SLC4A2: variants seen among roughly 807,000 people sequenced by gnomAD.
SLC4A2 encodes the protein solute carrier family 4 member 2.
Under a neutral mutation model 115.0 loss-of-function variants are expected in SLC4A2, and 36 were observed. The ratio of observed to expected loss-of-function variants is 0.31; its 90% CI spans 0.24 to 0.41. The LOEUF (loss-of-function observed/expected upper bound fraction) is 0.41, where lower values mean the gene tolerates loss of function less well. Among genes scored for constraint, SLC4A2 ranks in the 10% least tolerant of loss-of-function variants. SLC4A2 has a pLI of 1.00. For missense variants in SLC4A2, 1,252 were observed against 1,705.6 expected (o/e 0.73, Z 4.68); for synonymous variants, 708 against 708.3 (o/e 1.00, Z 0.01).
chr7:151,064,170 T>C (rs1172971129), intron 2 of SLC4A2, 32 bp from the exon 3 acceptor site: 2 of 1,605,562 alleles, frequency 1.2e-6, no homozygotes, highest in Admixed American at 1.7e-5. Context: ...CAGTGAGCCC[T>C]GTGTGTTTTC....
rs763738145 is a variant in SLC4A2, at chr7:151,070,146, A to G, written c.1284-35A>G. 24 of 1,613,776 alleles carry G rather than the reference A, an allele frequency of 1.5e-5. No homozygotes were observed. The South Asian group carries it at 2.6e-4, about 18-fold the overall frequency. The stretch of plus-strand genomic sequence containing the variant: ...CCACCTGCCCTGGCCCTTGTCATTG[A>G]CCCTCCTTTGCCTCACTGCCCTCTG... On this transcript the variant is annotated intron_variant, in intron 9 of 22. Coordinates refer to ENST00000413384, the MANE Select transcript of SLC4A2 (RefSeq NM_003040.4).
rs1796986213 is a variant in SLC4A2 at position 151,059,724 on chromosome 7, A to T, written c.-102A>T. 1 of 148,782 alleles carries T rather than the reference A, an allele frequency of 6.7e-6. No individual in the cohort carries two copies. Among genetic ancestry groups the T allele is most frequent in the African/African-American group, 2.5e-5 (1 of 39,952 alleles). The allele number at this position is 148,782 out of a possible 1,614,324, so 9.2% of individuals were successfully genotyped here. ...CGAGTGCGCCGGAGGACGGGGAGAG[A>T]CCCCGAGACCCCCGGGGCACGAAGT... On this transcript the variant is annotated 5_prime_UTR_variant, in exon 1 of 23. Transcript: ENST00000413384. This position sits in a 1 kb window ranked among gnomAD's most constrained non-coding sequence, Gnocchi z 5.8.
intron 2 of SLC4A2, chr7:151,063,051 G>T: frequency 6.7e-7 from 1 of 1,494,484 alleles, no homozygotes; most frequent in East Asian, 2.6e-5. Flanking sequence ...CTGGAGCTGA[G>T]ACCGTGGGTG....
At chr7:151,062,591 G>T in intron 2 of SLC4A2, 1 of 1,485,988 alleles carries the variant, frequency 6.7e-7, no homozygotes, top group Non-Finnish European at 8.9e-7. Context: ...CTGGGAAGGG[G>T]CACAGGCTGG....
rs891255042 is a variant in SLC4A2 at position 151,068,049 on chromosome 7, C to T, written c.1142C>T (p.Ala381Val). ...RSLLELRRTL[A>V]HGAVLLDLDQ... ...CTCCTGGAGCTCCGCAGGACCCTGG[C>T]CCATGGTAACCCCGCTCCCCTCCAC... The change falls in exon 8 of 23, where the codon GCC becomes GTC. Residue 381 changes from alanine to valine, a missense_variant. Physicochemically the swap from Ala to Val is moderately conservative, Grantham distance 64. Transcript: ENST00000413384. 6.7e-7 allele frequency: 1 copy of T among 1,496,574 alleles called. No homozygotes were observed. Among genetic ancestry groups the T allele is most frequent in the African/African-American group, 1.4e-5 (1 of 69,746 alleles). The allele number at this position is 1,496,574 out of a possible 1,614,324, so 92.7% of individuals were successfully genotyped here. A position where few individuals can be genotyped will look rare whatever the true frequency, so the allele number is the denominator to read the frequency against.
At position 151,071,624 on chromosome 7, in the gene SLC4A2, T is replaced by C. The variant is rs770526321; in HGVS notation, c.2191+19T>C. ...CTGCTGGGTGAGGAGAGCCTTCAGGTAGGGGGCGGCGGGGACTGCCCAGGG... is the reference window on the plus strand; with the variant it reads ...CTGCTGGGTGAGGAGAGCCTTCAGGCAGGGGGCGGCGGGGACTGCCCAGGG... On this transcript the variant is annotated intron_variant, in intron 14 of 22. Transcript: ENST00000413384. This position sits in a 1 kb window ranked among gnomAD's most constrained non-coding sequence, Gnocchi z 5.5. 4 of 1,613,382 alleles carry C rather than the reference T, an allele frequency of 2.5e-6. No individual in the cohort carries two copies. Among genetic ancestry groups the C allele is most frequent in the African/African-American group, 1.3e-5 (1 of 74,868 alleles).
chr7:151,069,500 G>A (rs1797355002), intron 8 of SLC4A2, among the ~76,000 whole-genome samples: 1 of 152,180 alleles, frequency 6.6e-6, no homozygotes, highest in South Asian at 2.1e-4. Context: ...CCACACGGAC[G>A]AGGCTGCAGA....
chr7:151,076,428 T>A lies in SLC4A2; in HGVS notation c.*61T>A. ...AGGGGACAGGCTGGTGGGATGGGGT[T>A]CCCCCTCCCATGCCCCTCCCTCCTT... is the stretch of plus-strand genomic sequence containing the variant. On this transcript the variant is annotated 3_prime_UTR_variant, in exon 23 of 23. Transcript: ENST00000413384. 1.9e-5 allele frequency: 24 copies of A among 1,249,524 alleles called. No individual in the cohort carries two copies. The highest frequency in any genetic ancestry group is 2.5e-5 in the Non-Finnish European group (23 of 927,408). The allele number at this position is 1,249,524 out of a possible 1,614,324, so 77.4% of individuals were successfully genotyped here. A position where few individuals can be genotyped will look rare whatever the true frequency, so the allele number is the denominator to read the frequency against.
chr7:151,075,570 C>A (rs758522575), intron 20 of SLC4A2, 36 bp from the exon 21 acceptor site: 1 of 1,585,274 alleles, frequency 6.3e-7, no homozygotes, highest in South Asian at 1.1e-5. Flanking sequence ...GGCCAGGGGA[C>A]CCCGGGGCCA....
chr7:151,074,547 T>C, intron 18 of SLC4A2, 59 bp downstream of exon 18: 1 of 1,599,068 alleles, frequency 6.3e-7, no homozygotes, highest in Non-Finnish European at 8.6e-7. Context: ...GGTCTAGGTG[T>C]TCCCCTCCAG....
In SLC4A2 at chr7:151,074,851, C is replaced by G. The variant is rs749932644; in HGVS notation, c.3047+10C>G. 2 of 1,594,158 alleles carry G rather than the reference C, an allele frequency of 1.3e-6. No individual in the cohort carries two copies. Among genetic ancestry groups the G allele is most frequent in the South Asian group, 2.3e-5 (2 of 88,448 alleles). On this transcript the variant is annotated intron_variant, in intron 19 of 22. Transcript: ENST00000413384. Reference sequence around the variant, plus strand: ...AGACACAGATCACCACGTGAGTGGTCCTAGCCAAAGGGGTGTGAGAGGCCA... The same window carrying G: ...AGACACAGATCACCACGTGAGTGGTGCTAGCCAAAGGGGTGTGAGAGGCCA...
intron 16 of SLC4A2, among the ~76,000 whole-genome samples, chr7:151,072,457 A>G (rs987238185): frequency 6.6e-6 from 1 of 151,684 alleles, no homozygotes; most frequent in African/African-American, 2.4e-5. Flanking sequence ...ATACCTGGCT[A>G]ATTTTTGTAA....
In SLC4A2 at chr7:151,061,855, C is replaced by T. The variant is rs989226059; in HGVS notation, c.-63-70C>T. 97 of 755,560 alleles carry T rather than the reference C, an allele frequency of 1.3e-4. No homozygotes were observed. The African/African-American group carries it at 1.3e-3, about 10-fold the overall frequency. 46.8% of individuals were successfully genotyped at this position (755,560 alleles called of 1,614,324 possible). Reference sequence around the variant, plus strand: ...CATACTCCAGGAGGATCCCCAGCAGCGCAGCCTGCGCGTGGTGGCTCCTGC... The same window carrying T: ...CATACTCCAGGAGGATCCCCAGCAGTGCAGCCTGCGCGTGGTGGCTCCTGC... On this transcript the variant is annotated intron_variant, in intron 1 of 22. Transcript: ENST00000413384.
chr7:151,063,170 G>T (rs560161323), intron 2 of SLC4A2: 2 of 1,424,012 alleles, frequency 1.4e-6, no homozygotes, highest in African/African-American at 1.5e-5. Context: ...CCGCTGCTCC[G>T]CGCCCGCAGG....
chr7:151,066,029 C>T (rs747950992), intron 5 of SLC4A2, among the ~76,000 whole-genome samples: 27 of 152,180 alleles, frequency 1.8e-4, no homozygotes, highest in Non-Finnish European at 3.8e-4. Flanking sequence ...AGGCCCGGTG[C>T]CACGGACTTT....
intron 2 of SLC4A2, among the ~76,000 whole-genome samples, chr7:151,063,605 G>A (rs914336465): frequency 1.3e-5 from 2 of 150,538 alleles, no homozygotes; most frequent in African/African-American, 4.9e-5. Context: ...ATCTGAGGGG[G>A]CAGACTGCTG....
Position 151,071,293 on chromosome 7 carries a change from T to C in SLC4A2, c.1971T>C (p.Asp657=). 6.4e-7 allele frequency: 1 copy of C among 1,553,208 alleles called. No homozygotes were observed. Among genetic ancestry groups the C allele is most frequent in the South Asian group, 1.2e-5 (1 of 84,990 alleles). Reference sequence around the variant, plus strand: ...GGCTGGAGCCCAAATCTGCCCAAGATAAGGGTACGGCCAGGGCGGGCTGGG... The same window carrying C: ...GGCTGGAGCCCAAATCTGCCCAAGACAAGGGTACGGCCAGGGCGGGCTGGG... ...GAGLEPKSAQ[D]KALLQMVEAA... Residue 657 remains aspartate (D), a synonymous_variant, in exon 13 of 23, where the codon GAT becomes GAC. Coordinates refer to ENST00000413384, the MANE Select transcript of SLC4A2 (RefSeq NM_003040.4). This position sits in a 1 kb window ranked among gnomAD's most constrained non-coding sequence, Gnocchi z 5.5.
Position 151,064,949 on chromosome 7 carries a change from C to T in SLC4A2, c.561C>T (p.Ser187=). ...LPHQEATPRA[S]KGAQAGTQVE... is the part of the protein sequence containing the mutation. ...ACCAGGAGGCGACTCCTCGGGCCTC[C>T]AAAGGGGCCCAGGCTGGGTAAGTAC... Residue 187 remains serine, a synonymous_variant, in exon 5 of 23, where the codon TCC becomes TCT. Transcript: ENST00000413384. The T allele has an allele frequency of 6.2e-7, 1 of 1,611,798 alleles. No individual in the cohort carries two copies. Among genetic ancestry groups the T allele is most frequent in the Non-Finnish European group, 8.5e-7 (1 of 1,178,080 alleles).
upstream of SLC4A2, chr7:151,058,698 G>C (rs899426940): frequency 5.3e-5 from 8 of 152,306 alleles, no homozygotes; most frequent in African/African-American, 1.9e-4. Context: ...AGTCAGCCAG[G>C]GTGTGGCAGG....
Sources: gnomAD v4.1 joint callset for allele counts (sites outside exome capture counted in the v4.1 genomes callset) on GRCh38, gnomAD v4.1.1 for gene constraint, Gnocchi (gnomAD v3.1) non-coding constraint, MANE v1.5 for transcripts, NCBI Gene and HGNC (gene_info 2026-07-23, HGNC 2026-07-21) for gene names.